The following PTPN13 variants were observed in gnomAD, a reference collection of about 807,000 sequenced individuals.
PTPN13 encodes tyrosine-protein phosphatase non-receptor type 13.
A neutral mutation model predicts 284.0 loss-of-function variants in PTPN13; 191 were observed. The observed-to-expected ratio is 0.67, with a 90% confidence interval of 0.60 to 0.76. The LOEUF is 0.76. Among genes scored for constraint, PTPN13 ranks in the 30% least tolerant of loss-of-function variants. PTPN13 has a pLI of 0.00. For missense variants in PTPN13, 2,797 were observed against 2,939.9 expected (o/e 0.95, Z 1.12); for synonymous variants, 986 against 1,022.3 (o/e 0.96, Z 0.68).
At chr4:86,600,039 A>G (rs1254229777) in intron 1 of PTPN13, among the ~76,000 whole-genome samples, 1 of 152,178 alleles carries the variant, frequency 6.6e-6, no homozygotes, top group Non-Finnish European at 1.5e-5. Flanking sequence ...GCATACAGAA[A>G]TTCTGAGTTA....
intron 42 of PTPN13, among the ~76,000 whole-genome samples, chr4:86,799,419 C>T (rs1215948605): frequency 1.4e-5 from 2 of 145,062 alleles, no homozygotes; most frequent in Non-Finnish European, 3.1e-5. Flanking sequence ...ACAACCACCA[C>T]CTCCGCAGTT....
In PTPN13 at chr4:86,722,600, T is replaced by A. The variant is rs911256438; in HGVS notation, c.1608+166T>A. ...GGATTAAATATCTTTTTGGTTGATT[T>A]TAAAATAAACATTTAGCTATTTTCA... On this transcript the variant is annotated intron_variant, in intron 10 of 47. Transcript: ENST00000411767. Among the ~76,000 whole-genome samples, 4 of 152,184 alleles carry A rather than the reference T, an allele frequency of 2.6e-5. No individual in the cohort carries two copies. In the East Asian group the frequency reaches 7.7e-4, roughly 29 times the overall value.
intron 9 of PTPN13, among the ~76,000 whole-genome samples, chr4:86,717,358 T>C (rs1733152318): frequency 6.6e-6 from 1 of 152,004 alleles, no homozygotes; most frequent in Non-Finnish European, 1.5e-5. Flanking sequence ...CTGGCTAATT[T>C]TTGAATTTTT....
chr4:86,602,035 T>G (rs886625863), intron 1 of PTPN13, among the ~76,000 whole-genome samples: 4 of 152,194 alleles, frequency 2.6e-5, no homozygotes, highest in Non-Finnish European at 5.9e-5. Flanking sequence ...TGGCAGGATG[T>G]ATTGTACAGA....
chr4:86,609,222 T>C (rs987531506), intron 1 of PTPN13, among the ~76,000 whole-genome samples: 1 of 152,170 alleles, frequency 6.6e-6, no homozygotes, highest in African/African-American at 2.4e-5. Context: ...ATGAAAATAG[T>C]TTAGATGATC....
chr4:86,655,355 G>A (rs1000380806), intron 2 of PTPN13, among the ~76,000 whole-genome samples: 31 of 152,128 alleles, frequency 2.0e-4, no homozygotes, highest in Non-Finnish European at 1.8e-4. Flanking sequence ...TTTACAATTT[G>A]GCATGTTTTT....
intron 15 of PTPN13, among the ~76,000 whole-genome samples, chr4:86,738,163 G>A (rs1735747591): frequency 6.6e-6 from 1 of 151,920 alleles, no homozygotes; most frequent in African/African-American, 2.4e-5. Flanking sequence ...ATATAAAGCT[G>A]TTATAAACAT....
chr4:86,812,472 G>C (rs1301468808), intron 47 of PTPN13, among the ~76,000 whole-genome samples: 1 of 152,324 alleles, frequency 6.6e-6, no homozygotes, highest in East Asian at 1.9e-4. Context: ...TAGGATCCCT[G>C]AAAGTGGTAA....
chr4:86,747,595 GATGA>G (rs984708238), intron 17 of PTPN13, among the ~76,000 whole-genome samples: 2 of 152,142 alleles, frequency 1.3e-5, no homozygotes, highest in Non-Finnish European at 2.9e-5. Context: ...AGTAGTAGTA[GATGA>G]ATGAATGACC....
chr4:86,774,353 T>C lies in PTPN13; in HGVS notation c.5350-20T>C. 3 of 1,591,612 alleles carry C rather than the reference T, an allele frequency of 1.9e-6. No homozygotes were observed. The highest frequency in any genetic ancestry group is 2.6e-6 in the Non-Finnish European group (3 of 1,167,328). On this transcript the variant is annotated intron_variant, in intron 32 of 47. Coordinates refer to ENST00000411767, the MANE Select transcript of PTPN13 (RefSeq NM_080683.3). Reference sequence around the variant, plus strand: ...GTGCAGAATAGACAACCTAAAAGTATTACTGCTTTTTTCCCTTAGGAAGTA... The same window carrying C: ...GTGCAGAATAGACAACCTAAAAGTACTACTGCTTTTTTCCCTTAGGAAGTA...
chr4:86,626,000 G>A (rs904681906), intron 1 of PTPN13, among the ~76,000 whole-genome samples: 1 of 152,148 alleles, frequency 6.6e-6, no homozygotes, highest in Non-Finnish European at 1.5e-5. Flanking sequence ...TGTAGGTAGC[G>A]AGGAAAGGTG....
intron 32 of PTPN13, among the ~76,000 whole-genome samples, chr4:86,773,376 A>G (rs189114562): frequency 2.6e-5 from 4 of 152,164 alleles, no homozygotes; most frequent in African/African-American, 9.6e-5. Flanking sequence ...CTGATGAGTT[A>G]CCTATTTGAT....
chr4:86,722,376 C>T lies in PTPN13; in HGVS notation c.1550C>T (p.Thr517Ile), dbSNP rs1321008418. Residue 517 changes from threonine to isoleucine, a missense_variant, in exon 10 of 48, where the codon ACC becomes ATC. Transcript: ENST00000411767. ...DTIKASMLDI[T>I]RDPLREIALE... Reference sequence around the variant, plus strand: ...ATCAAAGCGTCCATGCTTGACATCACCAGGGATCCGTTAAGAGAAATTGCC... The same window carrying T: ...ATCAAAGCGTCCATGCTTGACATCATCAGGGATCCGTTAAGAGAAATTGCC... 5.0e-6 allele frequency: 8 copies of T among 1,613,596 alleles called. No individual in the cohort carries two copies. The African/African-American group carries it at 1.1e-4, about 22-fold the overall frequency.
At chr4:86,731,165 T>G (rs998511944) in intron 10 of PTPN13, among the ~76,000 whole-genome samples, 2 of 152,164 alleles carry the variant, frequency 1.3e-5, no homozygotes, top group East Asian at 3.8e-4. Context: ...TAACATTCAT[T>G]AGTTCAAGCA....
At chr4:86,757,189 A>T (rs1464075767) in intron 20 of PTPN13, among the ~76,000 whole-genome samples, 1 of 152,186 alleles carries the variant, frequency 6.6e-6, no homozygotes, top group Non-Finnish European at 1.5e-5. Flanking sequence ...AGCCTACTTT[A>T]AAAAACCTAG....
intron 23 of PTPN13, among the ~76,000 whole-genome samples, chr4:86,760,618 A>G (rs1269816762): frequency 1.3e-5 from 2 of 152,184 alleles, no homozygotes; most frequent in Non-Finnish European, 2.9e-5. Context: ...AATTGTAACT[A>G]TGGTAAGTGT....
At chr4:86,660,427 A>G (rs1020239700) in intron 2 of PTPN13, among the ~76,000 whole-genome samples, 1 of 152,186 alleles carries the variant, frequency 6.6e-6, no homozygotes, top group African/African-American at 2.4e-5. Flanking sequence ...TTTATAGGAA[A>G]TATAGAAAGT....
intron 23 of PTPN13, 115 bp from the exon 24 acceptor site, chr4:86,762,612 G>T: frequency 1.2e-6 from 1 of 821,888 alleles, no homozygotes; most frequent in Non-Finnish European, 1.9e-6. Flanking sequence ...ACCTAATGGT[G>T]TTTTGTGTGT....
intron 1 of PTPN13, among the ~76,000 whole-genome samples, chr4:86,626,781 A>G (rs758504229): frequency 1.3e-5 from 2 of 152,136 alleles, no homozygotes; most frequent in Non-Finnish European, 2.9e-5. Context: ...TTTTAGGGGA[A>G]TAAAAAGTTA....
Sources: gnomAD v4.1 joint callset for allele counts (sites outside exome capture counted in the v4.1 genomes callset) on GRCh38, gnomAD v4.1.1 for gene constraint, MANE v1.5 for transcripts, NCBI Gene and HGNC (gene_info 2026-07-23, HGNC 2026-07-21) for gene names.